The following MAGI1 variants were observed in gnomAD, a reference collection of about 807,000 sequenced individuals.
MAGI1 encodes the protein membrane associated guanylate kinase, WW and PDZ domain containing 1, also known as membrane-associated guanylate kinase, WW and PDZ domain-containing protein 1.
MAGI1 carries 58 observed loss-of-function variants against 139.9 expected under a neutral mutation model. The ratio of observed to expected loss-of-function variants is 0.41; its 90% CI spans 0.34 to 0.52. The LOEUF (loss-of-function observed/expected upper bound fraction) is 0.52. Among genes scored for constraint, MAGI1 ranks in the 20% least tolerant of loss-of-function variants. The pLI is 0.12. For missense variants in MAGI1, 1,874 were observed against 1,901.6 expected (o/e 0.99, Z 0.27); for synonymous variants, 812 against 737.9 (o/e 1.10, Z -1.63).
chr3:65,660,955 C>T (rs766075949), intron 1 of MAGI1, among the ~76,000 whole-genome samples: 3 of 152,122 alleles, frequency 2.0e-5, no homozygotes, highest in Admixed American at 1.3e-4. Context: ...CAAACTGACA[C>T]CTCACAGGCA....
At chr3:65,748,560 G>A (rs1306209020) in intron 1 of MAGI1, among the ~76,000 whole-genome samples, 1 of 152,182 alleles carries the variant, frequency 6.6e-6, no homozygotes, top group Admixed American at 6.5e-5. Flanking sequence ...AACACAGTGA[G>A]GGGCAGGCTA....
intron 1 of MAGI1, among the ~76,000 whole-genome samples, chr3:65,807,403 C>T (rs960261695): frequency 1.3e-5 from 2 of 152,170 alleles, no homozygotes; most frequent in Non-Finnish European, 2.9e-5. Flanking sequence ...ACTAATTCCA[C>T]TCATGAGAGC....
intron 1 of MAGI1, among the ~76,000 whole-genome samples, chr3:65,744,331 G>A (rs1476303229): frequency 2.0e-5 from 3 of 152,206 alleles, no homozygotes; most frequent in Non-Finnish European, 4.4e-5. Flanking sequence ...GTTAGACGAT[G>A]TGACTCCAGA....
intron 1 of MAGI1, among the ~76,000 whole-genome samples, chr3:65,766,650 G>A (rs1182359741): frequency 3.3e-5 from 5 of 152,084 alleles, no homozygotes; most frequent in Non-Finnish European, 2.9e-5. Flanking sequence ...AACACTTTGG[G>A]AGGTCAAGGC....
chr3:65,952,814 A>T lies in MAGI1; in HGVS notation c.313+85182T>A, dbSNP rs185698404. Among the ~76,000 whole-genome samples, 124 of 152,350 alleles carry T rather than the reference A, an allele frequency of 8.1e-4. 1 individual carries two copies. The highest frequency in any genetic ancestry group is 3.4e-3 in the Middle Eastern group (1 of 294). ...CGGCGACAGAGCGAGACTTCATCTC[A>T]AAAACAAACAAACAACAACAAAAAG... On this transcript the variant is annotated intron_variant, in intron 1 of 22. Transcript: ENST00000402939.
intron 1 of MAGI1, among the ~76,000 whole-genome samples, chr3:65,800,207 A>C (rs578214469): frequency 7.9e-5 from 12 of 152,314 alleles, no homozygotes; most frequent in African/African-American, 2.9e-4. Context: ...GGCACGTGGC[A>C]AGCCTTTAGT....
intron 12 of MAGI1, among the ~76,000 whole-genome samples, chr3:65,421,614 CGT>C (rs1337204955): frequency 1.3e-5 from 2 of 152,098 alleles, no homozygotes; most frequent in Non-Finnish European, 2.9e-5. Context: ...GAGTTTTTCT[CGT>C]GTTTTGAGGT....
At chr3:65,824,811 T>A (rs2042137920) in intron 1 of MAGI1, among the ~76,000 whole-genome samples, 1 of 152,368 alleles carries the variant, frequency 6.6e-6, no homozygotes, top group Non-Finnish European at 1.5e-5. Context: ...TAGTAAGTTA[T>A]AAGAAATATC....
At chr3:65,988,355 G>A (rs1207855806) in intron 1 of MAGI1, among the ~76,000 whole-genome samples, 1 of 152,200 alleles carries the variant, frequency 6.6e-6, no homozygotes, top group Admixed American at 6.5e-5. Flanking sequence ...TGGCCCCAGT[G>A]AAGGGGGTTA....
At chr3:65,399,368 C>T (rs910834883) in intron 13 of MAGI1, among the ~76,000 whole-genome samples, 11 of 152,214 alleles carry the variant, frequency 7.2e-5, no homozygotes, top group East Asian at 1.9e-4. Flanking sequence ...AAACCACTTT[C>T]AAGCCACCTG....
intron 1 of MAGI1, among the ~76,000 whole-genome samples, chr3:65,673,345 A>T (rs1006833906): frequency 1.3e-4 from 19 of 151,980 alleles, no homozygotes; most frequent in African/African-American, 3.9e-4. Context: ...CTTTTATATG[A>T]ATCTTGTGCT....
chr3:65,388,834 A>ATTTTTT (rs35579495), intron 14 of MAGI1, among the ~76,000 whole-genome samples: 11 of 91,908 alleles, frequency 1.2e-4, no homozygotes, highest in African/African-American at 1.9e-4. Context: ...ACCATTCCGA[A>ATTTTTT]TTTTTTTTTT....
chr3:65,375,666 A>G, intron 18 of MAGI1, 79 bp downstream of exon 18: 1 of 1,195,084 alleles, frequency 8.4e-7, no homozygotes. Context: ...AATCAAAGAG[A>G]GAGAAAGAGA....
chr3:65,362,809 G>T (rs1227536897), intron 21 of MAGI1, among the ~76,000 whole-genome samples: 4 of 152,160 alleles, frequency 2.6e-5, no homozygotes, highest in Non-Finnish European at 5.9e-5. Context: ...TCTATGGGTA[G>T]ATGATTTATG....
At chr3:65,666,796 G>A (rs898514614) in intron 1 of MAGI1, among the ~76,000 whole-genome samples, 5 of 152,154 alleles carry the variant, frequency 3.3e-5, no homozygotes, top group Non-Finnish European at 7.3e-5. Context: ...TCCAGTGCAA[G>A]GATTCATCAC....
chr3:65,782,626 A>C (rs1284210627), intron 1 of MAGI1, among the ~76,000 whole-genome samples: 1 of 149,922 alleles, frequency 6.7e-6, no homozygotes, highest in Admixed American at 6.7e-5. Flanking sequence ...AAAAAAAAAA[A>C]AAAAAAAAAA....
intron 2 of MAGI1, among the ~76,000 whole-genome samples, chr3:65,494,314 G>A (rs1270917684): frequency 1.3e-5 from 2 of 152,152 alleles, no homozygotes; most frequent in African/African-American, 2.4e-5. Flanking sequence ...CTTCTCAGTG[G>A]CTAACAAATG....
rs1402920042 is a variant in MAGI1 at position 65,869,442 on chromosome 3, C to G, written c.313+168554G>C. On this transcript the variant is annotated intron_variant, in intron 1 of 22. Transcript: ENST00000402939. ...TTGAGACAGAGTCTTGCTCTCTCAC[C>G]CAGGTTGGAGTGCAGTGGCGTGATC... Among the ~76,000 whole-genome samples the G allele has an allele frequency of 4.0e-5, 6 of 149,158 alleles. No individual in the cohort carries two copies. In the Admixed American group the frequency reaches 4.0e-4, roughly 10 times the overall value.
At chr3:65,765,862 T>C (rs1559861183) in intron 1 of MAGI1, among the ~76,000 whole-genome samples, 1 of 147,194 alleles carries the variant, frequency 6.8e-6, no homozygotes, top group African/African-American at 2.4e-5. Context: ...ATTCTTCCTA[T>C]ACAAAAGTCA....
Sources: gnomAD v4.1 joint callset for allele counts (sites outside exome capture counted in the v4.1 genomes callset) on GRCh38, gnomAD v4.1.1 for gene constraint, MANE v1.5 for transcripts, NCBI Gene and HGNC (gene_info 2026-07-23, HGNC 2026-07-21) for gene names.